HLTF: variants seen among roughly 807,000 people sequenced by gnomAD.
HLTF encodes helicase like transcription factor, also known as DNA-dependent ATPase/E3 ubiquitin-protein ligase HLTF.
HLTF carries 127 observed loss-of-function variants against 129.4 expected under a neutral mutation model. The ratio of observed to expected loss-of-function variants is 0.98; its 90% CI spans 0.85 to 1.14. The LOEUF is 1.14. HLTF is among the 50% of genes most tolerant of loss of function. The pLI, the probability that HLTF is intolerant of heterozygous loss-of-function variation, is 0.00. For missense variants in HLTF, 1,139 were observed against 1,187.1 expected (o/e 0.96, Z 0.60); for synonymous variants, 332 against 388.8 (o/e 0.85, Z 1.72).
chr3:149,076,163 A>T (rs1235681777), intron 2 of HLTF, 116 bp from the exon 3 acceptor site: 1 of 425,538 alleles, frequency 2.3e-6, no homozygotes, highest in Non-Finnish European at 4.1e-6. Flanking sequence ...ACTGCACATA[A>T]GAAAAATATA....
At position 149,074,166 on chromosome 3, in the gene HLTF, C is replaced by T. The variant is rs193199171; in HGVS notation, c.529+49G>A. 6,932 of 1,544,626 alleles carry T rather than the reference C, an allele frequency of 4.5e-3. 22 individuals carry two copies. Among genetic ancestry groups the T allele is most frequent in the Non-Finnish European group, 5.5e-3 (6,243 of 1,138,418 alleles). On this transcript the variant is annotated intron_variant, in intron 4 of 24. Transcript: ENST00000310053. ...AAGAGAGAATAAATGTTTCATAATC[C>T]CTGCATCTTACAATATCAGAATAAT...
Position 149,049,048 on chromosome 3 carries a change from T to C in HLTF, c.1618-47A>G, listed in dbSNP as rs376175005. On this transcript the variant is annotated intron_variant, in intron 15 of 24. Coordinates refer to ENST00000310053, the MANE Select transcript of HLTF (RefSeq NM_003071.4). ...AATTAAAAAACACAGGAAAGTAAAA[T>C]AGTACTTAATATGATTTGCTAACTA... The C allele has an allele frequency of 4.2e-5, 54 of 1,281,292 alleles. 1 individual carries two copies. The highest frequency in any genetic ancestry group is 5.5e-5 in the Non-Finnish European group (49 of 893,750). 79.4% of individuals were successfully genotyped at this position (1,281,292 alleles called of 1,614,324 possible).
In HLTF at chr3:149,046,214, C is replaced by CT; in HGVS notation, c.1937dup (p.Thr647AspfsTer5). On this transcript the variant is annotated frameshift_variant, in exon 18 of 25. Coordinates refer to ENST00000310053, the MANE Select transcript of HLTF (RefSeq NM_003071.4). LOFTEE classifies it high-confidence loss of function. The stretch of plus-strand genomic sequence containing the variant: ...CAGGTTTTCCTTTAATTTTGCTTGT[C>CT]TTTGTTCTTCTAAGTGTAATATTTT... 1 of 1,601,446 alleles carries CT rather than the reference C, an allele frequency of 6.2e-7. No homozygotes were observed. The highest frequency in any genetic ancestry group is 8.5e-7 in the Non-Finnish European group (1 of 1,170,202).
At chr3:149,084,299 A>C (rs1485953431) in intron 2 of HLTF, among the ~76,000 whole-genome samples, 1 of 152,208 alleles carries the variant, frequency 6.6e-6, no homozygotes, top group Non-Finnish European at 1.5e-5. Context: ...AACATGCTTC[A>C]GACACCCTAT....
In HLTF at chr3:149,056,523, GCTT is replaced by G. The variant is rs781522301; in HGVS notation, c.1376-1126_1376-1124del. On this transcript the variant is annotated intron_variant, in intron 13 of 24. Coordinates refer to ENST00000310053, the MANE Select transcript of HLTF (RefSeq NM_003071.4). ...TGTATCTACGTATCATTCACAACTT[GCTT>G]TTTTCTCTCAGTGCTATCTACAGTA... 3.2e-4 allele frequency among the ~76,000 whole-genome samples: 49 copies of G among 152,236 alleles called. No individual in the cohort carries two copies. The East Asian group carries it at 5.0e-3, about 16-fold the overall frequency.
chr3:149,035,616 G>T (rs1576569644), intron 23 of HLTF, among the ~76,000 whole-genome samples: 1 of 121,844 alleles, frequency 8.2e-6, no homozygotes, highest in East Asian at 2.7e-4. Context: ...CCGAGATCGC[G>T]CCACTGCACT....
intron 13 of HLTF, chr3:149,059,284 C>A (rs1717720649): frequency 6.9e-6 from 2 of 290,440 alleles, no homozygotes; most frequent in Non-Finnish European, 1.3e-5. Flanking sequence ...AATATTTAGT[C>A]TCTTAAGCAG....
chr3:149,078,140 A>G (rs192811225), intron 2 of HLTF, among the ~76,000 whole-genome samples: 26 of 152,350 alleles, frequency 1.7e-4, no homozygotes, highest in African/African-American at 6.3e-4. Context: ...TGCAAAAAAA[A>G]TAAGAAAGTA....
chr3:149,083,300 AATG>A (rs1295632250), intron 2 of HLTF, among the ~76,000 whole-genome samples: 1 of 152,082 alleles, frequency 6.6e-6, no homozygotes, highest in Admixed American at 6.6e-5. Context: ...TTATAAAATA[AATG>A]ATATCTCAAC....
rs1256647609 is a variant in HLTF at position 149,059,742 on chromosome 3, T to C, written c.1351A>G (p.Thr451Ala). Reference protein sequence around the residue: ...ACALTSSVPTTKKKMLKKGAC... With the variant: ...ACALTSSVPTAKKKMLKKGAC... The stretch of plus-strand genomic sequence containing the variant: ...CCCTTTTTCAACATTTTCTTTTTTG[T>C]TGTAGGAACAGATGAAGTTAATGCA... Residue 451 changes from threonine (T) to alanine (A), a missense_variant, in exon 13 of 25, where the codon ACA (threonine) becomes GCA (alanine). Physicochemically the swap from Thr to Ala is moderately conservative, Grantham distance 58. Coordinates refer to ENST00000310053, the MANE Select transcript of HLTF (RefSeq NM_003071.4). 2 of 1,598,732 alleles carry C rather than the reference T, an allele frequency of 1.3e-6. No homozygotes were observed. The highest frequency in any genetic ancestry group is 1.7e-5 in the Admixed American group (1 of 57,468).
intron 17 of HLTF, among the ~76,000 whole-genome samples, chr3:149,047,574 G>A (rs1321449995): frequency 2.0e-5 from 3 of 152,088 alleles, no homozygotes; most frequent in Admixed American, 1.3e-4. Context: ...CCCAGGAGGC[G>A]GAGGTTGCAG....
intron 14 of HLTF, among the ~76,000 whole-genome samples, chr3:149,053,204 G>A (rs144696883): frequency 3.3e-5 from 5 of 152,228 alleles, no homozygotes; most frequent in South Asian, 2.1e-4. Context: ...CATTGAAATC[G>A]TTTGGATGTT....
chr3:149,072,942 T>G (rs1718999347), intron 5 of HLTF, among the ~76,000 whole-genome samples: 1 of 152,216 alleles, frequency 6.6e-6, no homozygotes, highest in South Asian at 2.1e-4. Flanking sequence ...TACTTGAACA[T>G]TTAAAACATT....
At chr3:149,060,745 G>A in intron 11 of HLTF, 34 bp downstream of exon 11, 4 of 1,602,020 alleles carry the variant, frequency 2.5e-6, no homozygotes, top group Non-Finnish European at 3.4e-6. Context: ...TAGAATATAG[G>A]ACACATTATC....
chr3:149,064,437 T>A (rs1432089597), intron 9 of HLTF, among the ~76,000 whole-genome samples: 1 of 152,248 alleles, frequency 6.6e-6, no homozygotes, highest in East Asian at 1.9e-4. Context: ...TCTAGCATTA[T>A]CTGCTGTTAT....
intron 10 of HLTF, among the ~76,000 whole-genome samples, chr3:149,062,031 G>T (rs1211326454): frequency 6.6e-6 from 1 of 152,130 alleles, no homozygotes; most frequent in Non-Finnish European, 1.5e-5. Flanking sequence ...AGACTGCCTA[G>T]CTTTAAATCC....
chr3:149,053,304 C>T (rs1205565209), intron 14 of HLTF, among the ~76,000 whole-genome samples: 2 of 152,110 alleles, frequency 1.3e-5, no homozygotes, highest in African/African-American at 2.4e-5. Context: ...AGCGGTGGAT[C>T]CCTCCTGAGT....
At chr3:149,083,749 C>CA (rs3070582) in intron 2 of HLTF, 8,046 of 140,724 alleles carry the variant, frequency 0.057, 295 homozygotes, top group African/African-American at 0.099. Flanking sequence ...AAAAAAAATA[C>CA]AAAAAAAAAA....
At chr3:149,070,999 C>T (rs375241005) in intron 7 of HLTF, among the ~76,000 whole-genome samples, 5 of 151,324 alleles carry the variant, frequency 3.3e-5, no homozygotes, top group African/African-American at 4.9e-5. Context: ...GAGCCAAGAT[C>T]GCGTCACTGC....
Sources: allele counts gnomAD v4.1 joint callset (sites outside exome capture counted in the v4.1 genomes callset), GRCh38; gene constraint gnomAD v4.1.1; transcripts MANE v1.5; gene names NCBI Gene and HGNC (gene_info 2026-07-23, HGNC 2026-07-21).